Variants in ZNF609 observed in about 807,000 individuals in gnomAD.
The protein encoded by ZNF609 is zinc finger protein 609.
A neutral mutation model predicts 109.5 loss-of-function variants in ZNF609; 11 were observed. The observed-to-expected ratio is 0.10, with a 90% CI of 0.06 to 0.17. The LOEUF is 0.17. Among genes scored for constraint, ZNF609 ranks in the 10% least tolerant of loss-of-function variants. The pLI is 1.00. For missense variants in ZNF609, 1,559 were observed against 1,772.4 expected (o/e 0.88, Z 2.16); for synonymous variants, 646 against 662.0 (o/e 0.98, Z 0.37).
intron 2 of ZNF609, among the ~76,000 whole-genome samples, chr15:64,565,827 A>G (rs1894767130): frequency 6.6e-6 from 1 of 152,104 alleles, no homozygotes; most frequent in East Asian, 1.9e-4. Flanking sequence ...GCATTCTTTA[A>G]TTGAAGTACT....
chr15:64,622,797 C>T (rs750824891), intron 2 of ZNF609, 30 bp from the exon 3 acceptor site: 1 of 1,586,432 alleles, frequency 6.3e-7, no homozygotes, highest in Admixed American at 1.7e-5. Context: ...CTCCCTGCAA[C>T]TCAGCTACTA....
intron 3 of ZNF609, chr15:64,631,377 C>T (rs1896073693): frequency 2.8e-6 from 2 of 724,784 alleles, no homozygotes; most frequent in South Asian, 1.4e-5. Flanking sequence ...ACAATGCCAA[C>T]AGCGTGCTGG....
chr15:64,500,571 T>G (rs1893547563), intron 2 of ZNF609: 1 of 603,310 alleles, frequency 1.7e-6, no homozygotes, highest in Admixed American at 2.9e-5. Context: ...CAATACGCCT[T>G]TGGTGATAAT....
intron 1 of ZNF609, among the ~76,000 whole-genome samples, chr15:64,491,390 C>T (rs1433537979): frequency 6.6e-6 from 1 of 152,178 alleles, no homozygotes; most frequent in Non-Finnish European, 1.5e-5. Context: ...ATATGGTTAC[C>T]TTCTCAGCAA....
intron 3 of ZNF609, among the ~76,000 whole-genome samples, chr15:64,634,026 C>G (rs1165217631): frequency 6.6e-6 from 1 of 151,986 alleles, no homozygotes; most frequent in Non-Finnish European, 1.5e-5. Flanking sequence ...ATGGTATTGA[C>G]AGCACAGGGG....
chr15:64,482,718 C>T (rs1042642575), intron 1 of ZNF609, among the ~76,000 whole-genome samples: 2 of 152,154 alleles, frequency 1.3e-5, no homozygotes, highest in African/African-American at 4.8e-5. Context: ...GGAAAAATCA[C>T]ATATGACAGA....
chr15:64,600,266 C>T (rs1284079756), intron 2 of ZNF609, among the ~76,000 whole-genome samples: 3 of 151,614 alleles, frequency 2.0e-5, no homozygotes, highest in East Asian at 1.9e-4. Context: ...CTGGCTAACA[C>T]GGTGAAACCC....
intron 2 of ZNF609, among the ~76,000 whole-genome samples, chr15:64,594,549 C>G (rs2044560): frequency 0.74 from 112,395 of 151,332 alleles, 45,252 homozygotes; most frequent in East Asian, 0.96. Flanking sequence ...TGTTGCCCAG[C>G]CTGGTCTCTA....
chr15:64,501,620 A>G (rs1893563583), intron 2 of ZNF609: 1 of 152,224 alleles, frequency 6.6e-6, no homozygotes. Context: ...GCTTAGGAGT[A>G]CTAGCAGTTG....
At chr15:64,644,636 A>G (rs1032517070) in intron 3 of ZNF609, among the ~76,000 whole-genome samples, 3 of 152,250 alleles carry the variant, frequency 2.0e-5, no homozygotes, top group African/African-American at 7.2e-5. Context: ...TAAATTGCAG[A>G]AAACTTATAA....
chr15:64,670,980 C>T (rs1313411559), intron 4 of ZNF609, among the ~76,000 whole-genome samples: 3 of 150,996 alleles, frequency 2.0e-5, no homozygotes, highest in Non-Finnish European at 4.4e-5. Flanking sequence ...GAGGCCAAGG[C>T]GGGTGGATCA....
chr15:64,515,213 C>T (rs1893788735), intron 2 of ZNF609, among the ~76,000 whole-genome samples: 1 of 152,008 alleles, frequency 6.6e-6, no homozygotes, highest in Non-Finnish European at 1.5e-5. Context: ...AGGTGTTTTA[C>T]CCATAGTTCA....
chr15:64,649,958 A>G (rs375607168), intron 3 of ZNF609, among the ~76,000 whole-genome samples: 1 of 152,102 alleles, frequency 6.6e-6, no homozygotes, highest in Admixed American at 6.6e-5. Flanking sequence ...AGTCATAGGG[A>G]CACACTTTGA....
chr15:64,643,136 C>T (rs190974712), intron 3 of ZNF609, among the ~76,000 whole-genome samples: 13 of 152,292 alleles, frequency 8.5e-5, no homozygotes, highest in African/African-American at 3.1e-4. Context: ...TACATTCTCC[C>T]ATCTGAGGCT....
chr15:64,539,504 G>A (rs1357429082), intron 2 of ZNF609, among the ~76,000 whole-genome samples: 1 of 144,268 alleles, frequency 6.9e-6, no homozygotes, highest in Non-Finnish European at 1.5e-5. Context: ...ACTGCGCCTG[G>A]CCAATTTTTT....
intron 2 of ZNF609, chr15:64,592,868 G>A (rs11631219): frequency 1.8e-5 from 11 of 598,144 alleles, no homozygotes; most frequent in East Asian, 2.9e-5. Flanking sequence ...AGCTGGGATC[G>A]CGCCACTGCA....
At chr15:64,536,899 G>C (rs1363191170) in intron 2 of ZNF609, among the ~76,000 whole-genome samples, 3 of 108,008 alleles carry the variant, frequency 2.8e-5, no homozygotes, top group East Asian at 6.6e-4. Flanking sequence ...GACAGAGAGA[G>C]ACCCTGTCTC....
At position 64,675,976 on chromosome 15, in the gene ZNF609, A is replaced by G; in HGVS notation, c.3122A>G (p.Lys1041Arg). 2.5e-6 allele frequency: 4 copies of G among 1,614,242 alleles called. No homozygotes were observed. Among genetic ancestry groups the G allele is most frequent in the Non-Finnish European group, 3.4e-6 (4 of 1,180,038 alleles). Reference sequence around the variant, plus strand: ...GAGGCAGCACTCAAGGAAGAGTGGAAGCAAAAGCCGTCAATTCCACCAACT... The same window carrying G: ...GAGGCAGCACTCAAGGAAGAGTGGAGGCAAAAGCCGTCAATTCCACCAACT... ...EREAALKEEWKQKPSIPPTLT... is the reference protein window; with the variant it reads ...EREAALKEEWRQKPSIPPTLT... Residue 1041 changes from lysine to arginine, a missense_variant, in exon 5 of 10, where the codon AAG (lysine) becomes AGG (arginine). Coordinates refer to ENST00000326648, the MANE Select transcript of ZNF609 (RefSeq NM_015042.2).
Position 64,516,742 on chromosome 15 carries a change from G to A in ZNF609, c.747+16576G>A, listed in dbSNP as rs577833923. ...CCACTATATACTGGGCATTTATTAA[G>A]AATATATATATATTTTTAATCTTGT... On this transcript the variant is annotated intron_variant, in intron 2 of 9. Coordinates refer to ENST00000326648, the MANE Select transcript of ZNF609 (RefSeq NM_015042.2). Among the ~76,000 whole-genome samples, 829 of 152,156 alleles carry A rather than the reference G, an allele frequency of 5.4e-3. 8 individuals are homozygous for A. Among genetic ancestry groups the A allele is most frequent in the Middle Eastern group, 0.024 (7 of 294 alleles).
Sources: gnomAD v4.1 joint callset for allele counts (sites outside exome capture counted in the v4.1 genomes callset) on GRCh38, gnomAD v4.1.1 for gene constraint, MANE v1.5 for transcripts, NCBI Gene and HGNC (gene_info 2026-07-23, HGNC 2026-07-21) for gene names.